EGF: variants seen among roughly 807,000 people sequenced by gnomAD.
The protein encoded by EGF is epidermal growth factor, also known as pro-epidermal growth factor.
Under a neutral mutation model 143.8 loss-of-function variants are expected in EGF, and 95 were observed. That is an observed-to-expected ratio of 0.66 (90% CI 0.56 to 0.78). EGF has a LOEUF of 0.78. Ranked by LOEUF, EGF falls within the 30% of genes least tolerant of loss-of-function variation. EGF has a pLI of 0.00. For missense variants in EGF, 1,320 were observed against 1,470.9 expected, an observed-to-expected ratio of 0.90 and a Z score of 1.68; for synonymous variants, 510 against 510.5, an observed-to-expected ratio of 1.00 and a Z score of 0.01.
At chr4:109,967,851 A>T (rs11568972) in intron 10 of EGF, among the ~76,000 whole-genome samples, 1 of 152,002 alleles carries the variant, frequency 6.6e-6, no homozygotes, top group Non-Finnish European at 1.5e-5. Context: ...GTAACACAGT[A>T]GTAAAAATTT....
chr4:109,923,105 A>AT (rs556290926), intron 1 of EGF, among the ~76,000 whole-genome samples: 3 of 151,324 alleles, frequency 2.0e-5, no homozygotes, highest in Non-Finnish European at 2.9e-5. Context: ...CCCATTAATT[A>AT]TTTTTTTTAA....
intron 7 of EGF, 40 bp from the exon 8 acceptor site, chr4:109,961,823 C>T (rs746688881): frequency 5.0e-6 from 8 of 1,610,944 alleles, no homozygotes; most frequent in African/African-American, 2.7e-5. Flanking sequence ...TTTGCAAACC[C>T]GATTTAACAC....
At chr4:109,924,607 A>G (rs12506702) in intron 1 of EGF, among the ~76,000 whole-genome samples, 82,733 of 151,744 alleles carry the variant, frequency 0.55, 25,393 homozygotes, top group African/African-American at 0.83. Flanking sequence ...GATGACTTAC[A>G]GATCCTCTTA....
intron 17 of EGF, 25 bp from the exon 18 acceptor site, chr4:109,988,559 C>T (rs751278525): frequency 6.2e-7 from 1 of 1,613,738 alleles, no homozygotes; most frequent in Non-Finnish European, 8.5e-7. Context: ...CTAAATATTG[C>T]ACTAGTTCAT....
intron 15 of EGF, among the ~76,000 whole-genome samples, chr4:109,982,437 C>G (rs1328098886): frequency 1.3e-5 from 2 of 152,096 alleles, no homozygotes; most frequent in Non-Finnish European, 2.9e-5. Context: ...AAGAGATTCT[C>G]CTGCCTCAGC....
At chr4:109,936,681 G>A (rs533377051) in intron 1 of EGF, among the ~76,000 whole-genome samples, 1 of 152,248 alleles carries the variant, frequency 6.6e-6, no homozygotes, top group South Asian at 2.1e-4. Flanking sequence ...GGCATTTAGT[G>A]TATACATTTC....
At chr4:109,972,902 G>A (rs1265791982) in intron 11 of EGF, among the ~76,000 whole-genome samples, 1 of 152,180 alleles carries the variant, frequency 6.6e-6, no homozygotes, top group South Asian at 2.1e-4. Flanking sequence ...CTGTAAAACC[G>A]GGAGGAGGGA....
chr4:109,969,090 T>G lies in EGF; in HGVS notation c.1695T>G (p.Ile565Met), dbSNP rs1477790991. 6.2e-7 allele frequency: 1 copy of G among 1,614,134 alleles called. No individual in the cohort carries two copies. The highest frequency in any genetic ancestry group is 1.7e-5 in the Admixed American group (1 of 60,012). The change falls in exon 11 of 24, where the codon ATT becomes ATG. Residue 565 changes from isoleucine to methionine, a missense_variant. By Grantham distance (10) the Ile-to-Met change is conservative. Coordinates refer to ENST00000265171, the MANE Select transcript of EGF (RefSeq NM_001963.6). ...DVPEGLAVDWIGRRFYWTDRG... is the reference protein window; with the variant it reads ...DVPEGLAVDWMGRRFYWTDRG... ...CAGAAGGTCTTGCTGTGGACTGGAT[T>G]GGCCGTAGATTCTATTGGACAGACA...
chr4:109,974,849 T>G, intron 12 of EGF, 42 bp downstream of exon 12: 2 of 1,498,006 alleles, frequency 1.3e-6, no homozygotes. Flanking sequence ...GCAGAGGTCA[T>G]GTGACAGTTC....
At chr4:110,007,103 G>A (rs1013939333) in intron 22 of EGF, among the ~76,000 whole-genome samples, 4 of 152,186 alleles carry the variant, frequency 2.6e-5, no homozygotes, top group African/African-American at 9.7e-5. Flanking sequence ...TCATCAATGA[G>A]GAGGAGATGA....
At chr4:109,962,445 C>T (rs1234567213) in intron 8 of EGF, among the ~76,000 whole-genome samples, 3 of 152,160 alleles carry the variant, frequency 2.0e-5, no homozygotes, top group Non-Finnish European at 4.4e-5. Flanking sequence ...GGATGTAACT[C>T]AGAATTAGCA....
Position 109,983,415 on chromosome 4 carries a change from T to A in EGF, c.2372-7T>A, listed in dbSNP as rs1483563245. On this transcript the variant is annotated splice_region_variant and splice_polypyrimidine_tract_variant and intron_variant, in intron 15 of 23. Coordinates refer to ENST00000265171, the MANE Select transcript of EGF (RefSeq NM_001963.6). Reference sequence around the variant, plus strand: ...TAAATTTAATTGCATCTATTGACCTTCAATAGGTGGTGAAGTTGATCTAAA... The same window carrying A: ...TAAATTTAATTGCATCTATTGACCTACAATAGGTGGTGAAGTTGATCTAAA... The A allele has an allele frequency of 1.2e-6, 2 of 1,613,334 alleles. No homozygotes were observed. The highest frequency in any genetic ancestry group is 1.7e-6 in the Non-Finnish European group (2 of 1,179,616).
At chr4:109,943,137 G>A (rs771913762) in intron 2 of EGF, 117 bp from the exon 3 acceptor site, 160 of 705,086 alleles carry the variant, frequency 2.3e-4, no homozygotes, top group Non-Finnish European at 3.4e-4. Context: ...AACAATTTTG[G>A]AACTGCATAA....
chr4:109,995,961 T>G (rs6832396), intron 20 of EGF, among the ~76,000 whole-genome samples: 4,155 of 152,292 alleles, frequency 0.027, 206 homozygotes, highest in African/African-American at 0.093. Flanking sequence ...AATTCTGTTT[T>G]CATATTCATA....
chr4:109,989,300 G>T (rs553116213), intron 18 of EGF, among the ~76,000 whole-genome samples: 2 of 152,156 alleles, frequency 1.3e-5, no homozygotes, highest in Non-Finnish European at 2.9e-5. Flanking sequence ...TTGGGAGTTC[G>T]CGTCGTGGAT....
intron 19 of EGF, among the ~76,000 whole-genome samples, chr4:109,994,031 GT>G (rs369137893): frequency 0.011 from 1,496 of 140,596 alleles, 30 homozygotes; most frequent in African/African-American, 0.033. Context: ...CTTGGTCTCT[GT>G]TTTTTTTTTT....
intron 10 of EGF, among the ~76,000 whole-genome samples, chr4:109,965,028 T>G (rs1287637966): frequency 6.6e-6 from 1 of 152,144 alleles, no homozygotes; most frequent in Non-Finnish European, 1.5e-5. Flanking sequence ...TTATAGCTCA[T>G]GTGAGAATGG....
Position 109,934,023 on chromosome 4 carries a change from A to G in EGF, c.128-6923A>G, listed in dbSNP as rs184729338. Reference sequence around the variant, plus strand: ...ACTGTCTTCCACAATGGTTGAACTAATTTACACTCCCACCAACAGTGTAAA... The same window carrying G: ...ACTGTCTTCCACAATGGTTGAACTAGTTTACACTCCCACCAACAGTGTAAA... On this transcript the variant is annotated intron_variant, in intron 1 of 23. Coordinates refer to ENST00000265171, the MANE Select transcript of EGF (RefSeq NM_001963.6). Among the ~76,000 whole-genome samples the G allele has an allele frequency of 1.7e-3, 259 of 152,240 alleles. 1 individual carries two copies. The highest frequency in any genetic ancestry group is 5.9e-3 in the African/African-American group (246 of 41,540).
Position 109,979,945 on chromosome 4 carries a change from T to A in EGF, c.2054-27T>A, listed in dbSNP as rs751031002. On this transcript the variant is annotated intron_variant, in intron 13 of 23. Coordinates refer to ENST00000265171, the MANE Select transcript of EGF (RefSeq NM_001963.6). ...AGTCATTGCAAAGACAAAGAAGGTG[T>A]ATTTAACAAACTTGAATTGTTTCCA... is the stretch of plus-strand genomic sequence containing the variant. 1.9e-6 allele frequency: 3 copies of A among 1,613,486 alleles called. No homozygotes were observed. The Admixed American group carries it at 5.0e-5, about 27-fold the overall frequency.
Sources: allele counts gnomAD v4.1 joint callset (sites outside exome capture counted in the v4.1 genomes callset), GRCh38; gene constraint gnomAD v4.1.1; transcripts MANE v1.5; gene names NCBI Gene and HGNC (gene_info 2026-07-23, HGNC 2026-07-21).